KLHL7: variants seen among roughly 807,000 people sequenced by gnomAD.
KLHL7 encodes kelch-like protein 7.
KLHL7 carries 44 observed loss-of-function variants against 67.4 expected under a neutral mutation model. The observed-to-expected ratio is 0.65, with a 90% CI of 0.51 to 0.84. The LOEUF is 0.84. Among genes scored for constraint, KLHL7 ranks in the 40% least tolerant of loss-of-function variants. The probability of loss-of-function intolerance (pLI) is 0.00; values close to 1 mark genes in which losing one functional copy is unlikely to be tolerated. For synonymous variants in KLHL7, 252 were observed against 243.3 expected, an observed-to-expected ratio of 1.04 and a Z score of -0.33; for missense variants, 362 against 718.1, an observed-to-expected ratio of 0.50 and a Z score of 5.67.
At chr7:23,113,356 G>C (rs78633270) in intron 1 of KLHL7, among the ~76,000 whole-genome samples, 11,907 of 152,204 alleles carry the variant, frequency 0.078, 1,332 homozygotes, top group African/African-American at 0.24. Context: ...AAAATGAGGA[G>C]GCTAATATAG....
chr7:23,165,631 C>T, intron 7 of KLHL7, 67 bp from the exon 8 acceptor site: 1 of 1,550,148 alleles, frequency 6.5e-7, no homozygotes, highest in Admixed American at 1.7e-5. Context: ...TTGACTGTAT[C>T]TTTGCATTGT....
At chr7:23,114,285 T>C (rs770731788) in intron 1 of KLHL7, among the ~76,000 whole-genome samples, 3 of 152,212 alleles carry the variant, frequency 2.0e-5, no homozygotes, top group Non-Finnish European at 4.4e-5. Flanking sequence ...ATTTAGATTA[T>C]TGGGATATGT....
chr7:23,152,263 A>G (rs1314746289), intron 7 of KLHL7, 54 bp downstream of exon 7: 2 of 1,527,996 alleles, frequency 1.3e-6, no homozygotes, highest in East Asian at 2.2e-5. Context: ...CACTGAACAC[A>G]TAAGACACTC....
At chr7:23,171,970 A>G (rs912719147) in intron 9 of KLHL7, among the ~76,000 whole-genome samples, 12 of 152,308 alleles carry the variant, frequency 7.9e-5, no homozygotes, top group African/African-American at 2.4e-4. Context: ...CGGCCTCCCA[A>G]CGTGGTGGGA....
At chr7:23,135,844 T>C (rs552330117) in intron 4 of KLHL7, among the ~76,000 whole-genome samples, 5 of 152,338 alleles carry the variant, frequency 3.3e-5, no homozygotes, top group Non-Finnish European at 5.9e-5. Flanking sequence ...AGAAGCAGTA[T>C]AGTATATTAC....
chr7:23,167,511 C>T (rs1785033780), intron 8 of KLHL7, among the ~76,000 whole-genome samples: 1 of 152,042 alleles, frequency 6.6e-6, no homozygotes, highest in Non-Finnish European at 1.5e-5. Flanking sequence ...GGATAATTCC[C>T]GTCATGCATA....
At chr7:23,138,461 T>TAAAAAA (rs60497553) in intron 4 of KLHL7, among the ~76,000 whole-genome samples, 1 of 63,232 alleles carries the variant, frequency 1.6e-5, no homozygotes, top group Non-Finnish European at 3.0e-5. Context: ...GACTCCATCT[T>TAAAAAA]AAAAAAAAAA....
At position 23,121,206 on chromosome 7, in the gene KLHL7, A is replaced by G. The variant is rs140750271; in HGVS notation, c.121-2571A>G. Among the ~76,000 whole-genome samples the G allele has an allele frequency of 2.0e-3, 301 of 152,262 alleles. 2 individuals are homozygous for G. Among genetic ancestry groups the G allele is most frequent in the African/African-American group, 6.7e-3 (278 of 41,546 alleles). On this transcript the variant is annotated intron_variant, in intron 1 of 10. Coordinates refer to ENST00000339077, the MANE Select transcript of KLHL7 (RefSeq NM_001031710.3). Reference sequence around the variant, plus strand: ...GGCTGAATATTATTCCATGGTGTATATATACCATATTTTCTTTATCAATTC... The same window carrying G: ...GGCTGAATATTATTCCATGGTGTATGTATACCATATTTTCTTTATCAATTC...
chr7:23,133,811 G>A (rs941793523), intron 4 of KLHL7, among the ~76,000 whole-genome samples: 2 of 152,156 alleles, frequency 1.3e-5, no homozygotes, highest in African/African-American at 2.4e-5. Context: ...TCTGTATCCT[G>A]CAACTTTACT....
rs1325751912 is a variant in KLHL7 at position 23,177,398 on chromosome 7, A to G, written c.*3100A>G. 1 of 152,214 alleles carries G rather than the reference A, an allele frequency of 6.6e-6. No individual in the cohort carries two copies. The highest frequency in any genetic ancestry group is 6.5e-5 in the Admixed American group (1 of 15,284). 9.4% of individuals were successfully genotyped at this position (152,214 alleles called of 1,614,324 possible). On this transcript the variant is annotated 3_prime_UTR_variant, in exon 11 of 11. Transcript: ENST00000339077. Reference sequence around the variant, plus strand: ...AGGCTATGTCAATTGACTAGAACACACTATAGTAAATACATACACAGGTTT... The same window carrying G: ...AGGCTATGTCAATTGACTAGAACACGCTATAGTAAATACATACACAGGTTT...
At position 23,175,975 on chromosome 7, in the gene KLHL7, A is replaced by AT. The variant is rs1785287777; in HGVS notation, c.*1677_*1678insT. 1 of 151,952 alleles carries AT rather than the reference A, an allele frequency of 6.6e-6. No individual in the cohort carries two copies. Among genetic ancestry groups the AT allele is most frequent in the South Asian group, 2.1e-4 (1 of 4,824 alleles). 9.4% of individuals were successfully genotyped at this position (151,952 alleles called of 1,614,324 possible). ...GACTAAAAAAAAAAAAAAAAAAAAA[A>AT]AAATGTATTATTCAGTGGTTTTTAA... On this transcript the variant is annotated 3_prime_UTR_variant, in exon 11 of 11. Coordinates refer to ENST00000339077, the MANE Select transcript of KLHL7 (RefSeq NM_001031710.3).
At chr7:23,164,161 C>T (rs1157574678) in intron 7 of KLHL7, among the ~76,000 whole-genome samples, 2 of 151,364 alleles carry the variant, frequency 1.3e-5, no homozygotes, top group East Asian at 1.9e-4. Context: ...TTCCCCACCC[C>T]ACCCCCCGCC....
intron 5 of KLHL7, 137 bp from the exon 6 acceptor site, chr7:23,143,714 T>A (rs1377909340): frequency 3.4e-6 from 3 of 881,988 alleles, no homozygotes; most frequent in Non-Finnish European, 5.7e-6. Flanking sequence ...AACCAGCAAG[T>A]GTCCAGGGAT....
intron 2 of KLHL7, 63 bp downstream of exon 2, chr7:23,123,942 G>A (rs1052682467): frequency 3.6e-6 from 4 of 1,125,250 alleles, no homozygotes; most frequent in African/African-American, 1.5e-5. Context: ...AAATCTAAAA[G>A]AGAATATGTC....
At chr7:23,116,427 A>G (rs568223709) in intron 1 of KLHL7, among the ~76,000 whole-genome samples, 4 of 152,334 alleles carry the variant, frequency 2.6e-5, no homozygotes, top group African/African-American at 9.6e-5. Flanking sequence ...TTGTGTCAAA[A>G]TGGGCTATGT....
At chr7:23,173,987 A>C (rs1785234481) in intron 10 of KLHL7, 28 bp from the exon 11 acceptor site, 1 of 1,607,374 alleles carries the variant, frequency 6.2e-7, no homozygotes, top group Admixed American at 1.7e-5. Context: ...ATAGTTTTTC[A>C]TGTTGTTCAT....
At chr7:23,107,651 C>T (rs546703815) in intron 1 of KLHL7, among the ~76,000 whole-genome samples, 2 of 152,230 alleles carry the variant, frequency 1.3e-5, no homozygotes, top group South Asian at 2.1e-4. Flanking sequence ...ACTTATTTAC[C>T]GTTACAATAG....
chr7:23,151,267 ATTTC>A (rs1165968524), intron 6 of KLHL7, among the ~76,000 whole-genome samples: 1 of 151,518 alleles, frequency 6.6e-6, no homozygotes, highest in African/African-American at 2.4e-5. Flanking sequence ...TAGGGGTATA[ATTTC>A]TTTCTTCATA....
intron 1 of KLHL7, among the ~76,000 whole-genome samples, chr7:23,114,550 G>GTA (rs1783007469): frequency 6.6e-6 from 1 of 152,152 alleles, no homozygotes; most frequent in Non-Finnish European, 1.5e-5. Flanking sequence ...CCAAGTAGCT[G>GTA]TAAGTTCTTT....
Sources: allele counts gnomAD v4.1 joint callset (sites outside exome capture counted in the v4.1 genomes callset), GRCh38; gene constraint gnomAD v4.1.1; transcripts MANE v1.5; gene names NCBI Gene and HGNC (gene_info 2026-07-23, HGNC 2026-07-21).